DNAI3: variants seen among roughly 807,000 people sequenced by gnomAD.
DNAI3 encodes WD repeat domain 63.
A neutral mutation model predicts 115.5 loss-of-function variants in DNAI3; 83 were observed. That is an observed-to-expected ratio of 0.72 (90% CI 0.60 to 0.86). The LOEUF (loss-of-function observed/expected upper bound fraction) is 0.86. Ranked by LOEUF, DNAI3 falls within the 40% of genes least tolerant of loss-of-function variation. The pLI, the probability that DNAI3 is intolerant of heterozygous loss-of-function variation, is 0.00. For missense variants in DNAI3, 1,004 were observed against 1,075.8 expected (o/e 0.93, Z 0.93); for synonymous variants, 320 against 347.0 (o/e 0.92, Z 0.86).
At chr1:85,068,753 A>G (rs1654173948) in intron 1 of DNAI3, among the ~76,000 whole-genome samples, 1 of 152,186 alleles carries the variant, frequency 6.6e-6, no homozygotes, top group Admixed American at 6.5e-5. Context: ...CCGTACCTGT[A>G]AGAGGATCAT....
chr1:85,079,340 T>G (rs1277525716), intron 3 of DNAI3, among the ~76,000 whole-genome samples: 2 of 152,262 alleles, frequency 1.3e-5, no homozygotes, highest in African/African-American at 4.8e-5. Context: ...GACTGCAGTT[T>G]GAAATATGCT....
intron 3 of DNAI3, among the ~76,000 whole-genome samples, chr1:85,074,117 A>C (rs149776807): frequency 2.6e-5 from 4 of 152,228 alleles, no homozygotes; most frequent in African/African-American, 9.6e-5. Flanking sequence ...AACTTATGTG[A>C]ATTCCACCTG....
intron 1 of DNAI3, among the ~76,000 whole-genome samples, chr1:85,070,329 T>C (rs1654230278): frequency 6.6e-6 from 1 of 152,118 alleles, no homozygotes; most frequent in Non-Finnish European, 1.5e-5. Flanking sequence ...ATAGTTTCAT[T>C]TGCAATGAAA....
chr1:85,080,493 C>T (rs534080608), intron 3 of DNAI3, among the ~76,000 whole-genome samples: 1 of 152,180 alleles, frequency 6.6e-6, no homozygotes, highest in East Asian at 1.9e-4. Flanking sequence ...AAAGGTGGTG[C>T]CCATTTTGAT....
intron 9 of DNAI3, chr1:85,094,197 C>A: frequency 1.8e-6 from 1 of 552,516 alleles, no homozygotes; most frequent in Non-Finnish European, 3.2e-6. Context: ...TTCTGAGTCC[C>A]CTGTATATTT....
chr1:85,126,566 G>A lies in DNAI3; in HGVS notation c.2168G>A (p.Trp723Ter). ...CCAAAAAGGTACACCTCAGGCCACT[G>A]GTCCCTGACTCGGCCCGGAGTTTTC... is the stretch of plus-strand genomic sequence containing the variant. ...CAPKRYTSGH[W>*]SLTRPGVFYI... The change falls in exon 20 of 23, where the codon TGG becomes TAG. Residue 723 changes from tryptophan (W) to a stop codon, truncating the protein, a stop_gained. Coordinates refer to ENST00000294664, the MANE Select transcript of DNAI3 (RefSeq NM_145172.5). LOFTEE classifies it high-confidence loss of function. 1 of 1,614,132 alleles carries A rather than the reference G, an allele frequency of 6.2e-7. No individual in the cohort carries two copies. The highest frequency in any genetic ancestry group is 8.5e-7 in the Non-Finnish European group (1 of 1,180,014).
chr1:85,127,066 C>T (rs1009964175), intron 20 of DNAI3, among the ~76,000 whole-genome samples: 3 of 152,164 alleles, frequency 2.0e-5, no homozygotes, highest in Non-Finnish European at 4.4e-5. Context: ...GACAGGATGA[C>T]CCGGATCTTT....
intron 15 of DNAI3, among the ~76,000 whole-genome samples, chr1:85,108,836 G>A (rs560268705): frequency 3.3e-5 from 5 of 152,238 alleles, no homozygotes; most frequent in Admixed American, 2.0e-4. Context: ...AAATCATCAT[G>A]AATTCAAGAT....
At chr1:85,076,268 C>T (rs1654452210) in intron 3 of DNAI3, among the ~76,000 whole-genome samples, 2 of 152,094 alleles carry the variant, frequency 1.3e-5, no homozygotes, top group African/African-American at 4.8e-5. Context: ...ATGTCAAAGG[C>T]CCAGTCATCT....
intron 3 of DNAI3, among the ~76,000 whole-genome samples, chr1:85,074,603 C>T (rs1167143476): frequency 6.6e-6 from 1 of 152,168 alleles, no homozygotes; most frequent in African/African-American, 2.4e-5. Flanking sequence ...TCTGTGTCAC[C>T]TATTACCTTG....
intron 10 of DNAI3, among the ~76,000 whole-genome samples, chr1:85,095,483 G>A (rs923667360): frequency 6.6e-6 from 1 of 152,110 alleles, no homozygotes; most frequent in African/African-American, 2.4e-5. Context: ...TCTCACTAGA[G>A]TTTTCTAACC....
rs1654792818 is a variant in DNAI3, at chr1:85,086,055, AT to A, written c.740+29del. 1.9e-6 allele frequency: 3 copies of A among 1,602,162 alleles called. No homozygotes were observed. The South Asian group carries it at 3.4e-5, about 18-fold the overall frequency. Reference sequence around the variant, plus strand: ...GGTAAGTATGTGATGGGTGTATGTAATTTTATAGCCAGTTACAGTAAAATCT... The same window carrying A: ...GGTAAGTATGTGATGGGTGTATGTAATTTATAGCCAGTTACAGTAAAATCT... On this transcript the variant is annotated intron_variant, in intron 7 of 22. Transcript: ENST00000294664.
At chr1:85,082,174 C>A in intron 4 of DNAI3, 126 bp from the exon 5 acceptor site, 1 of 727,982 alleles carries the variant, frequency 1.4e-6, no homozygotes, top group African/African-American at 1.8e-5. Context: ...TGTTATCAGC[C>A]ATAGATTAGC....
At position 85,085,897 on chromosome 1, in the gene DNAI3, G is replaced by A. The variant is rs1257427432; in HGVS notation, c.607G>A (p.Ala203Thr). Residue 203 changes from alanine (A) to threonine (T), a missense_variant, in exon 7 of 23, where the codon GCT (alanine) becomes ACT (threonine). This residue lies in a region of DNAI3 where 550 missense variants were observed against 568.1 expected (regional missense o/e 0.97). Transcript: ENST00000294664. Reference protein sequence around the residue: ...GAPIKFSDQNASSVKDAYIEC... With the variant: ...GAPIKFSDQNTSSVKDAYIEC... Reference sequence around the variant, plus strand: ...ACCAATTAAGTTCAGTGACCAGAATGCTTCCAGTGTAAAAGATGCCTATAT... The same window carrying A: ...ACCAATTAAGTTCAGTGACCAGAATACTTCCAGTGTAAAAGATGCCTATAT... 6.2e-7 allele frequency: 1 copy of A among 1,614,072 alleles called. No homozygotes were observed. Among genetic ancestry groups the A allele is most frequent in the East Asian group, 2.2e-5 (1 of 44,888 alleles).
intron 13 of DNAI3, among the ~76,000 whole-genome samples, chr1:85,103,366 T>C (rs938298798): frequency 7.9e-5 from 12 of 152,166 alleles, no homozygotes; most frequent in African/African-American, 2.9e-4. Context: ...TGCAGACTTA[T>C]GCCCGTGATT....
intron 16 of DNAI3, among the ~76,000 whole-genome samples, chr1:85,116,836 G>C (rs817470): frequency 0.98 from 149,979 of 152,332 alleles, 73,884 homozygotes; most frequent in East Asian, 1. Context: ...GAAAAGATAC[G>C]TCTCAAAACA....
intron 1 of DNAI3, among the ~76,000 whole-genome samples, chr1:85,068,234 T>G (rs1004045510): frequency 3.3e-5 from 5 of 152,152 alleles, no homozygotes; most frequent in Admixed American, 2.0e-4. Context: ...GTTTGCAGTC[T>G]AACTTCATAT....
At chr1:85,071,664 G>T (rs549404513) in intron 1 of DNAI3, among the ~76,000 whole-genome samples, 18 of 152,218 alleles carry the variant, frequency 1.2e-4, no homozygotes, top group East Asian at 3.9e-4. Flanking sequence ...AGGACCTATG[G>T]CTGAGACTTT....
intron 8 of DNAI3, among the ~76,000 whole-genome samples, chr1:85,091,871 C>A (rs1275224254): frequency 6.6e-6 from 1 of 152,172 alleles, no homozygotes; most frequent in Non-Finnish European, 1.5e-5. Flanking sequence ...TTCACTTCTT[C>A]CGTTTGAATT....
Sources: gnomAD v4.1 joint callset for allele counts (sites outside exome capture counted in the v4.1 genomes callset) on GRCh38, gnomAD v4.1.1 for gene constraint, gnomAD v4.1.1 regional missense constraint, MANE v1.5 for transcripts, NCBI Gene and HGNC (gene_info 2026-07-23, HGNC 2026-07-21) for gene names.